Variants in WWC2 observed in about 807,000 individuals in gnomAD.
WWC2 encodes protein WWC2.
WWC2 carries 101 observed loss-of-function variants against 138.5 expected under a neutral mutation model. That is an observed-to-expected ratio of 0.73 (90% CI 0.62 to 0.86). WWC2 has a LOEUF of 0.86. Among genes scored for constraint, WWC2 ranks in the 40% least tolerant of loss-of-function variants. The pLI, the probability that WWC2 is intolerant of heterozygous loss-of-function variation, is 0.00. For synonymous variants in WWC2, 558 were observed against 538.4 expected (o/e 1.04, Z -0.50); for missense variants, 1,420 against 1,419.4 (o/e 1.00, Z -0.01).
rs755002850 is a variant in WWC2, at chr4:183,248,854, C to T, written c.873C>T (p.Ser291=). The T allele has an allele frequency of 5.5e-5, 87 of 1,594,140 alleles. No homozygotes were observed. The highest frequency in any genetic ancestry group is 6.8e-5 in the Non-Finnish European group (79 of 1,168,220). Residue 291 remains serine, a synonymous_variant, in exon 7 of 23, where the codon TCC becomes TCT. Transcript: ENST00000403733. ...TLDAGSQTSI[S]GDIGVRSRSN... ...ATGCTGGGTCACAAACAAGCATTTC[C>T]GGAGATGTAAGTTATCTGTGCTGAA...
At position 183,282,708 on chromosome 4, in the gene WWC2, G is replaced by A; in HGVS notation, c.2685G>A (p.Trp895Ter). 1 of 1,564,362 alleles carries A rather than the reference G, an allele frequency of 6.4e-7. No individual in the cohort carries two copies. The highest frequency in any genetic ancestry group is 8.7e-7 in the Non-Finnish European group (1 of 1,153,712). ...GTGTTTTGTTTTTGTTTTACCATAGGCTAACAATGCTAAGAGAGGCCTCTG... is the reference window on the plus strand; with the variant it reads ...GTGTTTTGTTTTTGTTTTACCATAGACTAACAATGCTAAGAGAGGCCTCTG... ...QEEPRGPDGDWLTMLREASDE... is the reference protein window; with the variant it reads ...QEEPRGPDGD The change falls in exon 18 of 23, where the codon TGG (tryptophan) becomes TGA (stop). Residue 895 changes from tryptophan (W) to a stop codon, truncating the protein, a stop_gained and splice_region_variant. Transcript: ENST00000403733. LOFTEE classifies it high-confidence loss of function.
intron 4 of WWC2, among the ~76,000 whole-genome samples, chr4:183,228,184 G>A (rs1056305577): frequency 3.9e-5 from 6 of 152,104 alleles, no homozygotes; most frequent in East Asian, 3.9e-4. Flanking sequence ...AGTAAATAAA[G>A]CTTTGTTAAT....
chr4:183,255,593 T>A (rs1374424971), intron 9 of WWC2, among the ~76,000 whole-genome samples: 1 of 152,224 alleles, frequency 6.6e-6, no homozygotes. Context: ...ATCTCAGCTG[T>A]TCTACTTTGT....
chr4:183,207,149 A>G (rs954362439), intron 2 of WWC2, among the ~76,000 whole-genome samples: 1 of 149,774 alleles, frequency 6.7e-6, no homozygotes. Context: ...TTTGAAATCT[A>G]CCGTGCCTGG....
intron 16 of WWC2, among the ~76,000 whole-genome samples, chr4:183,272,605 T>C (rs982979691): frequency 6.6e-6 from 1 of 152,108 alleles, no homozygotes; most frequent in African/African-American, 2.4e-5. Flanking sequence ...CAGTTCTCCC[T>C]AACCTCTTTC....
chr4:183,261,791 A>T (rs908605190), intron 11 of WWC2, among the ~76,000 whole-genome samples: 2 of 152,242 alleles, frequency 1.3e-5, no homozygotes, highest in African/African-American at 4.8e-5. Flanking sequence ...TGTGTGTGGT[A>T]GCTGACTGGG....
At chr4:183,248,945 G>A in intron 7 of WWC2, 85 bp downstream of exon 7, 1 of 1,302,054 alleles carries the variant, frequency 7.7e-7, no homozygotes, top group Non-Finnish European at 1.0e-6. Context: ...GGAACCAGAA[G>A]TATATGTGAC....
At chr4:183,185,121 C>G (rs1025875113) in intron 1 of WWC2, among the ~76,000 whole-genome samples, 2 of 151,926 alleles carry the variant, frequency 1.3e-5, no homozygotes, top group Non-Finnish European at 2.9e-5. Context: ...TGTAAATCCT[C>G]AGGTCCTTCC....
intron 1 of WWC2, among the ~76,000 whole-genome samples, chr4:183,150,654 T>A (rs1401221889): frequency 6.6e-6 from 1 of 152,148 alleles, no homozygotes; most frequent in Non-Finnish European, 1.5e-5. Context: ...ACATTAAGTA[T>A]TTCTCCTAAT....
chr4:183,240,482 T>C (rs888831879), intron 5 of WWC2: 7 of 418,910 alleles, frequency 1.7e-5, no homozygotes, highest in South Asian at 5.4e-5. Context: ...TTATTAATCA[T>C]TGGAGATCCA....
chr4:183,314,376 G>A lies in WWC2; in HGVS notation c.3513-1287G>A, dbSNP rs184082187. Among the ~76,000 whole-genome samples the A allele has an allele frequency of 1.4e-3, 208 of 152,298 alleles. 2 individuals carry two copies. Among genetic ancestry groups the A allele is most frequent in the African/African-American group, 4.6e-3 (193 of 41,564 alleles). ...CCGAAACCTGAAGCAAAGAATCCAC[G>A]AACATTCCCAGCTTCCCTTAAGATA... On this transcript the variant is annotated intron_variant, in intron 22 of 22. Transcript: ENST00000403733.
intron 4 of WWC2, among the ~76,000 whole-genome samples, chr4:183,238,987 A>G (rs140449732): frequency 1.3e-5 from 2 of 152,166 alleles, no homozygotes; most frequent in Non-Finnish European, 2.9e-5. Context: ...GTTCAAAAGC[A>G]CTCTAAAATA....
intron 1 of WWC2, among the ~76,000 whole-genome samples, chr4:183,189,783 G>A (rs1199891742): frequency 1.3e-5 from 2 of 152,148 alleles, no homozygotes; most frequent in Non-Finnish European, 2.9e-5. Context: ...TTAGTAACCT[G>A]AAATGTTTTT....
chr4:183,244,070 A>T lies in WWC2; in HGVS notation c.603-1346A>T, dbSNP rs530651170. Among the ~76,000 whole-genome samples, 7 of 152,256 alleles carry T rather than the reference A, an allele frequency of 4.6e-5. No homozygotes were observed. In the South Asian group the frequency reaches 1.5e-3, roughly 32 times the overall value. ...TATTAATTATTAAATGTTTTAAACC[A>T]AACGAGCTCAGAGCCTGTTTTCCCC... On this transcript the variant is annotated intron_variant, in intron 5 of 22. Transcript: ENST00000403733.
intron 5 of WWC2, 30 bp from the exon 6 acceptor site, chr4:183,245,384 GAT>G: frequency 1.4e-6 from 2 of 1,475,454 alleles, no homozygotes; most frequent in Non-Finnish European, 1.8e-6. Flanking sequence ...ATCATTCTTT[GAT>G]ATTTTTTCTT....
At chr4:183,194,795 G>A (rs1449817928) in intron 2 of WWC2, among the ~76,000 whole-genome samples, 2 of 152,226 alleles carry the variant, frequency 1.3e-5, no homozygotes, top group Non-Finnish European at 1.5e-5. Context: ...CATATGGTTA[G>A]TGATCTGTTT....
chr4:183,272,183 A>T (rs1229271083), intron 16 of WWC2, among the ~76,000 whole-genome samples: 1 of 152,196 alleles, frequency 6.6e-6, no homozygotes, highest in Non-Finnish European at 1.5e-5. Context: ...GAAGTCAGAT[A>T]ATTAAACAAC....
chr4:183,287,288 G>T (rs1025340802), intron 20 of WWC2, among the ~76,000 whole-genome samples: 5 of 152,164 alleles, frequency 3.3e-5, no homozygotes, highest in Non-Finnish European at 7.3e-5. Context: ...TCATTTTCAG[G>T]AAATTCTGAA....
chr4:183,141,404 A>G (rs1026352782), intron 1 of WWC2, among the ~76,000 whole-genome samples: 5 of 152,120 alleles, frequency 3.3e-5, no homozygotes, highest in Admixed American at 2.0e-4. Flanking sequence ...GACCTCATTT[A>G]TCCTTAAATA....
Sources: gnomAD v4.1 joint callset for allele counts (sites outside exome capture counted in the v4.1 genomes callset) on GRCh38, gnomAD v4.1.1 for gene constraint, MANE v1.5 for transcripts, NCBI Gene and HGNC (gene_info 2026-07-23, HGNC 2026-07-21) for gene names.